MDGA2: variants seen among roughly 807,000 people sequenced by gnomAD.
The protein encoded by MDGA2 is MAM domain-containing glycosylphosphatidylinositol anchor protein 2.
In MDGA2, 40 loss-of-function variants were observed where a neutral mutation model predicts 117.8. The observed-to-expected ratio is 0.34, with a 90% CI of 0.26 to 0.44. The LOEUF (loss-of-function observed/expected upper bound fraction) is 0.44. MDGA2 is among the 20% of genes least tolerant of loss of function. The pLI, the probability that MDGA2 is intolerant of heterozygous loss-of-function variation, is 1.00. For missense variants in MDGA2, 1,123 were observed against 1,250.6 expected (o/e 0.90, Z 1.54); for synonymous variants, 452 against 439.0 (o/e 1.03, Z -0.37).
intron 14 of MDGA2, among the ~76,000 whole-genome samples, chr14:46,868,586 T>A (rs985840231): frequency 2.0e-5 from 3 of 152,096 alleles, no homozygotes; most frequent in African/African-American, 7.2e-5. Flanking sequence ...GAAAGATCTT[T>A]ACCCTGGAAG....
intron 6 of MDGA2, among the ~76,000 whole-genome samples, chr14:47,067,959 A>G (rs1234608358): frequency 6.6e-6 from 1 of 152,132 alleles, no homozygotes; most frequent in East Asian, 1.9e-4. Context: ...CCATTTGCCA[A>G]TCTAGTCTGA....
chr14:47,251,601 C>A (rs1344587678), intron 2 of MDGA2, among the ~76,000 whole-genome samples: 1 of 152,106 alleles, frequency 6.6e-6, no homozygotes, highest in Non-Finnish European at 1.5e-5. Context: ...ATTGTTGTTA[C>A]TGTCATTAAA....
intron 1 of MDGA2, among the ~76,000 whole-genome samples, chr14:47,667,797 C>G (rs1037479337): frequency 6.6e-6 from 1 of 152,074 alleles, no homozygotes; most frequent in African/African-American, 2.4e-5. Context: ...TTATTTCCAC[C>G]ATTCACATTA....
chr14:47,523,982 G>C (rs927096108), intron 1 of MDGA2, among the ~76,000 whole-genome samples: 2 of 152,144 alleles, frequency 1.3e-5, no homozygotes, highest in East Asian at 1.9e-4. Flanking sequence ...AGTAATGCTT[G>C]AGGGCAAAAT....
At chr14:47,489,117 C>T (rs1894116875) in intron 1 of MDGA2, among the ~76,000 whole-genome samples, 2 of 151,790 alleles carry the variant, frequency 1.3e-5, no homozygotes, top group Non-Finnish European at 2.9e-5. Context: ...AATTTAAGTT[C>T]CTTGTTAGTC....
chr14:47,359,155 A>T (rs1891058218), intron 1 of MDGA2, among the ~76,000 whole-genome samples: 1 of 152,204 alleles, frequency 6.6e-6, no homozygotes, highest in Non-Finnish European at 1.5e-5. Context: ...GGAGATCAAG[A>T]CTATCCTAGC....
At chr14:46,938,716 A>G (rs548112932) in intron 9 of MDGA2, among the ~76,000 whole-genome samples, 1 of 152,110 alleles carries the variant, frequency 6.6e-6, no homozygotes, top group East Asian at 1.9e-4. Flanking sequence ...GTTCCTCAAA[A>G]AACTACAAAT....
At chr14:47,220,285 G>A (rs76138892) in intron 2 of MDGA2, among the ~76,000 whole-genome samples, 22 of 152,124 alleles carry the variant, frequency 1.4e-4, no homozygotes, top group Non-Finnish European at 2.4e-4. Context: ...AGTCTACAAA[G>A]AAAATTGTTC....
chr14:47,670,563 C>T (rs987517715), intron 1 of MDGA2, among the ~76,000 whole-genome samples: 1 of 152,108 alleles, frequency 6.6e-6, no homozygotes, highest in Admixed American at 6.5e-5. Context: ...ACAAAGAAAA[C>T]TTTCAAAACT....
At chr14:46,920,831 T>C (rs900714857) in intron 9 of MDGA2, among the ~76,000 whole-genome samples, 1 of 152,236 alleles carries the variant, frequency 6.6e-6, no homozygotes, top group Non-Finnish European at 1.5e-5. Context: ...AATGAAAATT[T>C]GTGTTTGTAT....
At chr14:47,431,881 C>T (rs1892806398) in intron 1 of MDGA2, among the ~76,000 whole-genome samples, 2 of 151,972 alleles carry the variant, frequency 1.3e-5, no homozygotes, top group African/African-American at 4.8e-5. Flanking sequence ...TTAAATTTGC[C>T]TAACATAGCT....
chr14:47,063,148 G>A (rs1160049482), intron 6 of MDGA2, among the ~76,000 whole-genome samples: 1 of 151,976 alleles, frequency 6.6e-6, no homozygotes, highest in African/African-American at 2.4e-5. Context: ...ATATAGCGAT[G>A]AAATATTTTA....
At chr14:47,371,318 T>C (rs1342225141) in intron 1 of MDGA2, among the ~76,000 whole-genome samples, 1 of 151,842 alleles carries the variant, frequency 6.6e-6, no homozygotes, top group African/African-American at 2.4e-5. Flanking sequence ...TGTAAAATTT[T>C]AAAACCTAAA....
At chr14:47,426,170 A>G (rs989597760) in intron 1 of MDGA2, among the ~76,000 whole-genome samples, 1 of 152,128 alleles carries the variant, frequency 6.6e-6, no homozygotes, top group African/African-American at 2.4e-5. Flanking sequence ...TATACTTCAC[A>G]AAGTATTTGC....
Position 47,444,358 on chromosome 14 carries a change from T to C in MDGA2, c.281-142808A>G, listed in dbSNP as rs74838912. ...ATCAATGATTTCAAATTTGCCAGTG[T>C]AACCACGCTTCATCATCACAGTGAG... On this transcript the variant is annotated intron_variant, in intron 1 of 16. Transcript: ENST00000399232. 2.8e-3 allele frequency: 485 copies of C among 170,342 alleles called. 1 individual carries two copies. The highest frequency in any genetic ancestry group is 0.011 in the African/African-American group (461 of 42,294). The allele number at this position is 170,342 out of a possible 1,614,324, so 10.6% of individuals were successfully genotyped here.
At chr14:46,979,141 A>T (rs371004932) in intron 8 of MDGA2, among the ~76,000 whole-genome samples, 1 of 152,064 alleles carries the variant, frequency 6.6e-6, no homozygotes, top group Non-Finnish European at 1.5e-5. Flanking sequence ...TTATTATTAT[A>T]TCCAAAATAG....
intron 2 of MDGA2, among the ~76,000 whole-genome samples, chr14:47,288,591 G>A (rs184292360): frequency 1.5e-3 from 227 of 152,266 alleles, no homozygotes; most frequent in Middle Eastern, 3.4e-3. Context: ...AAGGGGCCAG[G>A]TTGTAGAAGA....
At chr14:47,300,436 T>C (rs1292282860) in intron 2 of MDGA2, among the ~76,000 whole-genome samples, 1 of 152,092 alleles carries the variant, frequency 6.6e-6, no homozygotes, top group South Asian at 2.1e-4. Flanking sequence ...CCTAAACATA[T>C]TATCTTCTAT....
chr14:47,654,234 T>G (rs80185463), intron 1 of MDGA2, among the ~76,000 whole-genome samples: 3,607 of 152,146 alleles, frequency 0.024, 78 homozygotes, highest in African/African-American at 0.058. Flanking sequence ...GGGTGCAAAT[T>G]AGGAAAATAA....
Sources: allele counts gnomAD v4.1 joint callset (sites outside exome capture counted in the v4.1 genomes callset), GRCh38; gene constraint gnomAD v4.1.1; transcripts MANE v1.5; gene names NCBI Gene and HGNC (gene_info 2026-07-23, HGNC 2026-07-21).